KDM3A: variants seen among roughly 807,000 people sequenced by gnomAD.
KDM3A encodes the protein lysine demethylase 3A.
In KDM3A, 60 loss-of-function variants were observed where a neutral mutation model predicts 158.0. The observed-to-expected ratio is 0.38, with a 90% CI of 0.31 to 0.47. The LOEUF is 0.47. Ranked by LOEUF, KDM3A falls within the 20% of genes least tolerant of loss-of-function variation. The pLI, the probability that KDM3A is intolerant of heterozygous loss-of-function variation, is 0.99. For missense variants in KDM3A, 1,319 were observed against 1,574.3 expected, an observed-to-expected ratio of 0.84 and a Z score of 2.74; for synonymous variants, 608 against 549.3, an observed-to-expected ratio of 1.11 and a Z score of -1.49.
At chr2:86,478,757 T>G in intron 15 of KDM3A, 22 bp downstream of exon 15, 1 of 1,608,206 alleles carries the variant, frequency 6.2e-7, no homozygotes, top group Non-Finnish European at 8.5e-7. Context: ...TTATGTTAAA[T>G]TCAACATCTC....
chr2:86,490,741 TA>T, intron 23 of KDM3A, 139 bp from the exon 24 acceptor site: 1 of 595,834 alleles, frequency 1.7e-6, no homozygotes, highest in South Asian at 2.2e-5. Context: ...TTGATACTAC[TA>T]GTCGTCTTCT....
At chr2:86,487,470 A>G (rs999853838) in intron 21 of KDM3A, 2 of 152,204 alleles carry the variant, frequency 1.3e-5, no homozygotes, top group African/African-American at 4.8e-5. Flanking sequence ...CATATAATCC[A>G]GCCTCTCTTC....
At chr2:86,441,484 G>A (rs1229627830) in intron 1 of KDM3A, 40 bp downstream of exon 1, 1 of 151,954 alleles carries the variant, frequency 6.6e-6, no homozygotes, top group Non-Finnish European at 1.5e-5. Context: ...AGAGGGGAGA[G>A]AAAGGTGAAA....
chr2:86,471,841 TTAATATATTC>T (rs1447098365), intron 11 of KDM3A, among the ~76,000 whole-genome samples: 1 of 152,226 alleles, frequency 6.6e-6, no homozygotes, highest in Non-Finnish European at 1.5e-5. Flanking sequence ...TATGCATATA[TTAATATATTC>T]TGAATAACGC....
rs779943092 is a variant in KDM3A at position 86,492,291 on chromosome 2, A to T, written c.*172A>T. ...GTGTTTACAGACAGTAAATGTGTATATGTAGTAACTATTTACAGAACATGC... is the reference window on the plus strand; with the variant it reads ...GTGTTTACAGACAGTAAATGTGTATTTGTAGTAACTATTTACAGAACATGC... On this transcript the variant is annotated 3_prime_UTR_variant, in exon 26 of 26. Coordinates refer to ENST00000312912, the MANE Select transcript of KDM3A (RefSeq NM_018433.6). 44 of 549,092 alleles carry T rather than the reference A, an allele frequency of 8.0e-5. No individual in the cohort carries two copies. Among genetic ancestry groups the T allele is most frequent in the Non-Finnish European group, 1.3e-4 (41 of 306,376 alleles). The allele number at this position is 549,092 out of a possible 1,614,324, so 34.0% of individuals were successfully genotyped here. A position where few individuals can be genotyped will look rare whatever the true frequency, so the allele number is the denominator to read the frequency against.
intron 25 of KDM3A, 56 bp from the exon 26 acceptor site, chr2:86,491,983 G>A: frequency 8.9e-7 from 1 of 1,123,766 alleles, no homozygotes; most frequent in East Asian, 2.4e-5. Flanking sequence ...CTTATTCTTA[G>A]TGACAGGTTT....
intron 2 of KDM3A, among the ~76,000 whole-genome samples, chr2:86,447,471 G>C (rs1187751271): frequency 2.5e-5 from 3 of 122,156 alleles, no homozygotes; most frequent in African/African-American, 1.2e-4. Context: ...TTTTTTTTTT[G>C]CTGAATAGAT....
In KDM3A at chr2:86,442,097, T is replaced by G. The variant is rs1372028732; in HGVS notation, c.50T>G (p.Phe17Cys). The stretch of plus-strand genomic sequence containing the variant: ...TGGCCGGTATTGGTGGGGAGGAGGT[T>G]TCTCAGTCTGTCCGCAGCCGACGGC... Reference protein sequence around the residue: ...ESWPVLVGRRFLSLSAADGSD... With the variant: ...ESWPVLVGRRCLSLSAADGSD... The change falls in exon 2 of 26, where the codon TTT becomes TGT. Residue 17 changes from phenylalanine to cysteine, a missense_variant. Transcript: ENST00000312912. 3 of 1,613,920 alleles carry G rather than the reference T, an allele frequency of 1.9e-6. No individual in the cohort carries two copies. The highest frequency in any genetic ancestry group is 2.5e-6 in the Non-Finnish European group (3 of 1,180,000).
At chr2:86,477,259 C>G (rs1334401322) in intron 12 of KDM3A, among the ~76,000 whole-genome samples, 1 of 152,208 alleles carries the variant, frequency 6.6e-6, no homozygotes, top group Non-Finnish European at 1.5e-5. Flanking sequence ...CTGGCACTGG[C>G]TAAATCGAAT....
chr2:86,491,387 A>G (rs1674449271), intron 25 of KDM3A, 112 bp downstream of exon 25: 3 of 1,071,604 alleles, frequency 2.8e-6, no homozygotes, highest in Admixed American at 2.0e-5. Flanking sequence ...CTTAGTACAC[A>G]GTGAGTCGAG....
rs181529237 is a variant in KDM3A at position 86,452,532 on chromosome 2, C to T, written c.453+1319C>T. On this transcript the variant is annotated intron_variant, in intron 4 of 25. Coordinates refer to ENST00000312912, the MANE Select transcript of KDM3A (RefSeq NM_018433.6). ...TTTGCAACTTGATAAAACATAACTACTGCAAATGATGAGAATAGACTGCAC... is the reference window on the plus strand; with the variant it reads ...TTTGCAACTTGATAAAACATAACTATTGCAAATGATGAGAATAGACTGCAC... Among the ~76,000 whole-genome samples, 21 of 152,224 alleles carry T rather than the reference C, an allele frequency of 1.4e-4. No individual in the cohort carries two copies. In the East Asian group the frequency reaches 4.0e-3, roughly 29 times the overall value.
chr2:86,456,652 A>G (rs1672712666), intron 6 of KDM3A, 86 bp downstream of exon 6: 16 of 1,354,916 alleles, frequency 1.2e-5, no homozygotes, highest in Non-Finnish European at 1.6e-5. Flanking sequence ...GGCACTAAAT[A>G]CCTTTATTAT....
chr2:86,446,462 G>A (rs1192062016), intron 2 of KDM3A, among the ~76,000 whole-genome samples: 2 of 152,182 alleles, frequency 1.3e-5, no homozygotes, highest in South Asian at 2.1e-4. Flanking sequence ...CAATAATTTG[G>A]TAGGCCAAGA....
At chr2:86,465,960 A>G (rs1673125528) in intron 9 of KDM3A, among the ~76,000 whole-genome samples, 1 of 150,606 alleles carries the variant, frequency 6.6e-6, no homozygotes, top group Admixed American at 6.6e-5. Flanking sequence ...AAAAAAAAGA[A>G]GAAAGAAAAC....
rs774326483 is a variant in KDM3A at position 86,464,140 on chromosome 2, A to C, written c.931A>C (p.Ser311Arg). 6.2e-7 allele frequency: 1 copy of C among 1,612,982 alleles called. No individual in the cohort carries two copies. Among genetic ancestry groups the C allele is most frequent in the Non-Finnish European group, 8.5e-7 (1 of 1,179,278 alleles). ...LLGCTAATPP[S>R]KDPRQQSTPQ... Reference sequence around the variant, plus strand: ...TGGCTGTACTGCGGCAACTCCACCTAGTAAGGACCCAAGACAGCAAAGTAC... The same window carrying C: ...TGGCTGTACTGCGGCAACTCCACCTCGTAAGGACCCAAGACAGCAAAGTAC... Residue 311 changes from serine (S) to arginine (R), a missense_variant, in exon 9 of 26, where the codon AGT becomes CGT. Physicochemically the swap from Ser to Arg is moderately radical, Grantham distance 110 (BLOSUM62 -1). Coordinates refer to ENST00000312912, the MANE Select transcript of KDM3A (RefSeq NM_018433.6).
At chr2:86,478,328 G>A in intron 14 of KDM3A, 63 bp downstream of exon 14, 1 of 1,247,434 alleles carries the variant, frequency 8.0e-7, no homozygotes, top group Non-Finnish European at 1.2e-6. Context: ...GGAGCTGGTA[G>A]TTTTGTTTTC....
At chr2:86,479,506 G>T (rs1261763588) in intron 15 of KDM3A, 2 of 152,130 alleles carry the variant, frequency 1.3e-5, no homozygotes, top group Non-Finnish European at 2.9e-5. Flanking sequence ...ATAGAAATAA[G>T]AAGCAATATT....
At chr2:86,477,346 C>T (rs889950351) in intron 12 of KDM3A, among the ~76,000 whole-genome samples, 1 of 152,218 alleles carries the variant, frequency 6.6e-6, no homozygotes, top group Non-Finnish European at 1.5e-5. Flanking sequence ...CCTCCAGGCC[C>T]CCTGAGAACC....
chr2:86,442,289 C>T (rs936194095), intron 2 of KDM3A, 56 bp downstream of exon 2: 23 of 1,500,376 alleles, frequency 1.5e-5, no homozygotes, highest in Non-Finnish European at 2.0e-5. Context: ...CGTGGTAACG[C>T]GACCATCGGT....
Sources: allele counts gnomAD v4.1 joint callset (sites outside exome capture counted in the v4.1 genomes callset), GRCh38; gene constraint gnomAD v4.1.1; transcripts MANE v1.5; gene names NCBI Gene and HGNC (gene_info 2026-07-23, HGNC 2026-07-21).